Variants in SDC2 observed in about 807,000 individuals in gnomAD.
SDC2 encodes syndecan 2.
SDC2 carries 13 observed loss-of-function variants against 22.2 expected under a neutral mutation model. That is an observed-to-expected ratio of 0.59 (90% CI 0.38 to 0.93). The LOEUF (loss-of-function observed/expected upper bound fraction) is 0.93, where lower values mean the gene tolerates loss of function less well. Among genes scored for constraint, SDC2 ranks in the 40% least tolerant of loss-of-function variants. The probability of loss-of-function intolerance (pLI) is 0.00; values close to 1 mark genes in which losing one functional copy is unlikely to be tolerated. For synonymous variants in SDC2, 94 were observed against 92.8 expected, an observed-to-expected ratio of 1.01 and a Z score of -0.07; for missense variants, 235 against 246.8, an observed-to-expected ratio of 0.95 and a Z score of 0.32.
intron 1 of SDC2, among the ~76,000 whole-genome samples, chr8:96,533,099 C>G (rs370686320): frequency 3.3e-5 from 5 of 152,148 alleles, no homozygotes; most frequent in African/African-American, 1.2e-4. Context: ...CTTGGTCTCG[C>G]TGGCTTCAGG....
At chr8:96,569,049 C>T (rs772518580) in intron 1 of SDC2, among the ~76,000 whole-genome samples, 3 of 152,144 alleles carry the variant, frequency 2.0e-5, no homozygotes, top group Non-Finnish European at 4.4e-5. Flanking sequence ...TTGCTGTTTT[C>T]CCCAGGCTAG....
At chr8:96,517,801 G>GTATATA (rs749368466) in intron 1 of SDC2, among the ~76,000 whole-genome samples, 1 of 103,292 alleles carries the variant, frequency 9.7e-6, no homozygotes, top group Admixed American at 9.0e-5. Flanking sequence ...GTGTGTGTGT[G>GTATATA]TATATATATA....
At position 96,496,818 on chromosome 8, in the gene SDC2, A is replaced by G. The variant is rs115336099; in HGVS notation, c.60+2487A>G. Among the ~76,000 whole-genome samples, 1,156 of 152,306 alleles carry G rather than the reference A, an allele frequency of 7.6e-3. 15 individuals carry two copies. Among genetic ancestry groups the G allele is most frequent in the African/African-American group, 0.026 (1,061 of 41,560 alleles). On this transcript the variant is annotated intron_variant, in intron 1 of 4. Transcript: ENST00000302190. ...GAACTAAGGCTCAAAACTGCCTATG[A>G]AAAGGAACTGGTAGCTGTTCCTTTA...
intron 1 of SDC2, among the ~76,000 whole-genome samples, chr8:96,514,460 G>A (rs574367250): frequency 3.8e-4 from 58 of 152,080 alleles, no homozygotes; most frequent in Non-Finnish European, 7.5e-4. Context: ...ACCCTTCTTC[G>A]GCTGGACAGG....
At chr8:96,592,624 A>C (rs1814801012) in intron 1 of SDC2, among the ~76,000 whole-genome samples, 1 of 152,142 alleles carries the variant, frequency 6.6e-6, no homozygotes, top group African/African-American at 2.4e-5. Context: ...TTCTTTTGGC[A>C]GGATTAGGTT....
At chr8:96,574,982 A>T (rs954668833) in intron 1 of SDC2, among the ~76,000 whole-genome samples, 1 of 152,136 alleles carries the variant, frequency 6.6e-6, no homozygotes, top group Non-Finnish European at 1.5e-5. Context: ...GATCCCTCAC[A>T]TGTGCAGTTC....
intron 1 of SDC2, among the ~76,000 whole-genome samples, chr8:96,568,359 A>T (rs1426389292): frequency 1.3e-5 from 2 of 152,254 alleles, no homozygotes; most frequent in South Asian, 2.1e-4. Context: ...TCTGCTTTTC[A>T]TAGGTACTTT....
chr8:96,602,259 T>TG, intron 2 of SDC2, 136 bp from the exon 3 acceptor site: 1 of 844,124 alleles, frequency 1.2e-6, no homozygotes, highest in Non-Finnish European at 1.9e-6. Flanking sequence ...CAGGAAGCTT[T>TG]GTGCTGAAGT....
At chr8:96,607,183 C>A (rs76858980) in intron 3 of SDC2, among the ~76,000 whole-genome samples, 4,017 of 118,966 alleles carry the variant, frequency 0.034, 70 homozygotes, top group Non-Finnish European at 0.045. Flanking sequence ...ATACTAAGAA[C>A]CATTTTTGAT....
chr8:96,501,295 C>CG (rs1813159541), intron 1 of SDC2, among the ~76,000 whole-genome samples: 1 of 55,162 alleles, frequency 1.8e-5, no homozygotes, highest in Non-Finnish European at 3.5e-5. Context: ...ATACGTATTT[C>CG]TTTTTTTTTT....
intron 1 of SDC2, among the ~76,000 whole-genome samples, chr8:96,572,381 C>T (rs1814410852): frequency 6.6e-6 from 1 of 152,142 alleles, no homozygotes; most frequent in Admixed American, 6.5e-5. Flanking sequence ...ATGCCCACTG[C>T]CTGTGCACTG....
At chr8:96,592,741 G>T (rs934045210) in intron 1 of SDC2, among the ~76,000 whole-genome samples, 2 of 152,202 alleles carry the variant, frequency 1.3e-5, no homozygotes, top group African/African-American at 4.8e-5. Flanking sequence ...ATTACCAGTT[G>T]CCAGTAATAG....
At chr8:96,507,238 A>G (rs889342817) in intron 1 of SDC2, among the ~76,000 whole-genome samples, 2 of 152,174 alleles carry the variant, frequency 1.3e-5, no homozygotes, top group African/African-American at 4.8e-5. Context: ...ACGCTGTTTT[A>G]TTAGTGTATT....
At chr8:96,586,418 A>G (rs1023489412) in intron 1 of SDC2, 2 of 152,234 alleles carry the variant, frequency 1.3e-5, no homozygotes, top group African/African-American at 4.8e-5. Flanking sequence ...GAGAGGACGC[A>G]GAAAGATCAG....
intron 1 of SDC2, among the ~76,000 whole-genome samples, chr8:96,558,775 A>C (rs1268171132): frequency 6.6e-6 from 1 of 152,180 alleles, no homozygotes. Context: ...TTTCTAGTCA[A>C]CTGACTTATC....
At chr8:96,584,583 A>T (rs1259428010) in intron 1 of SDC2, among the ~76,000 whole-genome samples, 1 of 152,154 alleles carries the variant, frequency 6.6e-6, no homozygotes, top group Non-Finnish European at 1.5e-5. Flanking sequence ...TCATTACTTC[A>T]GTTAGAATTT....
At chr8:96,601,518 G>C (rs990019637) in intron 2 of SDC2, among the ~76,000 whole-genome samples, 1 of 151,232 alleles carries the variant, frequency 6.6e-6, no homozygotes, top group African/African-American at 2.4e-5. Context: ...GCATGCGCCT[G>C]TAGTCCCAGC....
At chr8:96,518,127 A>T (rs915828123) in intron 1 of SDC2, among the ~76,000 whole-genome samples, 2 of 152,088 alleles carry the variant, frequency 1.3e-5, no homozygotes, top group African/African-American at 4.8e-5. Flanking sequence ...AAGATACTTA[A>T]TGAGTTCTGA....
At chr8:96,608,215 G>A (rs932698437) in intron 3 of SDC2, 120 bp from the exon 4 acceptor site, 10 of 845,734 alleles carry the variant, frequency 1.2e-5, no homozygotes, top group Non-Finnish European at 1.8e-5. Flanking sequence ...GATTATTCCA[G>A]TTATTTCCTA....
Sources: allele counts gnomAD v4.1 joint callset (sites outside exome capture counted in the v4.1 genomes callset), GRCh38; gene constraint gnomAD v4.1.1; transcripts MANE v1.5; gene names NCBI Gene and HGNC (gene_info 2026-07-23, HGNC 2026-07-21).